The following GRIP1 variants were observed in gnomAD, a reference collection of about 807,000 sequenced individuals.
GRIP1 encodes glutamate receptor interacting protein 1, also known as glutamate receptor-interacting protein 1.
In GRIP1, 45 loss-of-function variants were observed where a neutral mutation model predicts 129.9. The observed-to-expected ratio is 0.35, with a 90% CI of 0.27 to 0.44. The LOEUF (loss-of-function observed/expected upper bound fraction) is 0.44. GRIP1 is among the 20% of genes least tolerant of loss of function. The pLI is 1.00. For missense variants in GRIP1, 1,196 were observed against 1,396.8 expected, an observed-to-expected ratio of 0.86 and a Z score of 2.29; for synonymous variants, 530 against 520.8, an observed-to-expected ratio of 1.02 and a Z score of -0.24.
At chr12:66,354,232 GTC>G (rs748325892) in intron 23 of GRIP1, among the ~76,000 whole-genome samples, 1 of 152,040 alleles carries the variant, frequency 6.6e-6, no homozygotes, top group Non-Finnish European at 1.5e-5. Flanking sequence ...CCCACCCCGG[GTC>G]TCTCTGCATC....
chr12:66,881,262 C>T (rs558932073), intron 1 of GRIP1, among the ~76,000 whole-genome samples: 3 of 151,960 alleles, frequency 2.0e-5, no homozygotes, highest in South Asian at 2.1e-4. Context: ...TTTTTCTGGA[C>T]GCTAATACCA....
At chr12:66,390,618 G>C (rs1436237125) in intron 19 of GRIP1, among the ~76,000 whole-genome samples, 1 of 152,176 alleles carries the variant, frequency 6.6e-6, no homozygotes, top group Non-Finnish European at 1.5e-5. Context: ...AGGTCTTACA[G>C]ATCACCTTAC....
intron 1 of GRIP1, among the ~76,000 whole-genome samples, chr12:66,906,914 G>A (rs1310067537): frequency 1.3e-5 from 2 of 152,122 alleles, no homozygotes; most frequent in Non-Finnish European, 1.5e-5. Context: ...CCCCCAGCTT[G>A]CCTTAATGTC....
intron 11 of GRIP1, among the ~76,000 whole-genome samples, chr12:66,449,964 C>T (rs948142012): frequency 1.3e-5 from 2 of 152,036 alleles, no homozygotes; most frequent in Non-Finnish European, 2.9e-5. Context: ...GAGTTAAAAG[C>T]TGTTTCAGAA....
intron 14 of GRIP1, among the ~76,000 whole-genome samples, chr12:66,431,636 T>C (rs1053458360): frequency 6.6e-6 from 1 of 152,214 alleles, no homozygotes; most frequent in Non-Finnish European, 1.5e-5. Flanking sequence ...GCCTCATCAC[T>C]CTTTCTTGAA....
intron 1 of GRIP1, among the ~76,000 whole-genome samples, chr12:66,820,342 A>G (rs1364115924): frequency 1.3e-5 from 2 of 152,252 alleles, no homozygotes; most frequent in Non-Finnish European, 2.9e-5. Context: ...TGTCCACAAC[A>G]CTGGCAATAC....
chr12:66,581,054 C>G (rs1378856148), intron 2 of GRIP1, among the ~76,000 whole-genome samples: 1 of 152,148 alleles, frequency 6.6e-6, no homozygotes, highest in East Asian at 1.9e-4. Context: ...TTATAACAAA[C>G]TGTCAGACCA....
intron 1 of GRIP1, among the ~76,000 whole-genome samples, chr12:66,862,721 T>C (rs1362285198): frequency 6.6e-6 from 1 of 151,974 alleles, no homozygotes; most frequent in Non-Finnish European, 1.5e-5. Flanking sequence ...CCAACAGAGC[T>C]TTATCAACCT....
chr12:66,935,100 T>C (rs866788086), intron 1 of GRIP1, among the ~76,000 whole-genome samples: 2 of 152,200 alleles, frequency 1.3e-5, no homozygotes, highest in Admixed American at 6.5e-5. Context: ...AACAAAGAGA[T>C]GAACTTGTGC....
chr12:66,703,853 T>C (rs1175843206), intron 1 of GRIP1, among the ~76,000 whole-genome samples: 2 of 151,250 alleles, frequency 1.3e-5, no homozygotes, highest in Non-Finnish European at 2.9e-5. Flanking sequence ...GTGTGTGGGG[T>C]GGGGAGAGGG....
At chr12:66,533,368 G>T (rs546324311) in intron 4 of GRIP1, among the ~76,000 whole-genome samples, 7 of 151,662 alleles carry the variant, frequency 4.6e-5, no homozygotes, top group African/African-American at 1.7e-4. Context: ...ATATCAGGCC[G>T]GGCGTGGTGG....
chr12:66,606,642 A>G (rs2064544421), intron 1 of GRIP1, among the ~76,000 whole-genome samples: 1 of 152,146 alleles, frequency 6.6e-6, no homozygotes, highest in African/African-American at 2.4e-5. Context: ...AGATAATTCC[A>G]TTTTACAAAA....
chr12:66,853,287 C>CT (rs377650370), intron 1 of GRIP1, among the ~76,000 whole-genome samples: 27 of 150,706 alleles, frequency 1.8e-4, no homozygotes, highest in Admixed American at 1.2e-3. Flanking sequence ...GTGGGGCAAG[C>CT]TTTTTTTTTC....
At chr12:66,760,769 G>A (rs772924882) in intron 1 of GRIP1, among the ~76,000 whole-genome samples, 14 of 151,598 alleles carry the variant, frequency 9.2e-5, no homozygotes, top group Non-Finnish European at 1.3e-4. Context: ...TGAAGATTAC[G>A]GAATATGAAT....
chr12:66,754,831 T>C (rs1031045220), intron 1 of GRIP1, among the ~76,000 whole-genome samples: 2 of 152,076 alleles, frequency 1.3e-5, no homozygotes. Context: ...GCCAGCATTT[T>C]GGGAAGCCAA....
chr12:66,353,650 A>AC, intron 23 of GRIP1, 87 bp from the exon 24 acceptor site: 1 of 1,177,908 alleles, frequency 8.5e-7, no homozygotes, highest in Non-Finnish European at 1.3e-6. Flanking sequence ...TTTTCACACG[A>AC]ATTTAGTCAC....
At chr12:66,711,910 C>G (rs920668632) in intron 1 of GRIP1, among the ~76,000 whole-genome samples, 11 of 151,672 alleles carry the variant, frequency 7.3e-5, no homozygotes, top group Non-Finnish European at 1.2e-4. Context: ...TTAGTTGGTA[C>G]GAAAAGAATC....
At chr12:66,812,258 T>C (rs2039118563) in intron 1 of GRIP1, among the ~76,000 whole-genome samples, 1 of 152,098 alleles carries the variant, frequency 6.6e-6, no homozygotes, top group Admixed American at 6.6e-5. Flanking sequence ...CTCAGCCTCC[T>C]GAGTAGCTGG....
intron 1 of GRIP1, among the ~76,000 whole-genome samples, chr12:66,646,624 A>T (rs1340831826): frequency 6.6e-6 from 1 of 152,226 alleles, no homozygotes; most frequent in Non-Finnish European, 1.5e-5. Flanking sequence ...TTGATTAAAC[A>T]AGTGTTCTGG....
Sources: gnomAD v4.1 joint callset for allele counts (sites outside exome capture counted in the v4.1 genomes callset) on GRCh38, gnomAD v4.1.1 for gene constraint, MANE v1.5 for transcripts, NCBI Gene and HGNC (gene_info 2026-07-23, HGNC 2026-07-21) for gene names.